SOCS5: variants seen among roughly 807,000 people sequenced by gnomAD.
SOCS5 encodes suppressor of cytokine signaling 5, also known as CIS-6.
A neutral mutation model predicts 42.8 loss-of-function variants in SOCS5; 32 were observed. That is an observed-to-expected ratio of 0.75 (90% confidence interval 0.56 to 1.01). The LOEUF is 1.01. Among genes scored for constraint, SOCS5 ranks in the 50% least tolerant of loss-of-function variants. The pLI is 0.00. For synonymous variants in SOCS5, 283 were observed against 229.6 expected (o/e 1.23, Z -2.10); for missense variants, 627 against 653.0 (o/e 0.96, Z 0.43).
chr2:46,744,561 C>G (rs1220815414), intron 1 of SOCS5, among the ~76,000 whole-genome samples: 1 of 146,312 alleles, frequency 6.8e-6, no homozygotes, highest in Admixed American at 6.8e-5. Flanking sequence ...GAGTTTTGCT[C>G]TTGTTGCCCA....
At chr2:46,732,549 C>T (rs1474190135) in intron 1 of SOCS5, among the ~76,000 whole-genome samples, 1 of 152,218 alleles carries the variant, frequency 6.6e-6, no homozygotes, top group African/African-American at 2.4e-5. Context: ...CCAAATTCAT[C>T]ATGGCCCAAT....
intron 1 of SOCS5, among the ~76,000 whole-genome samples, chr2:46,749,915 AAGAG>A (rs1244030631): frequency 2.0e-5 from 3 of 152,206 alleles, no homozygotes; most frequent in Non-Finnish European, 4.4e-5. Flanking sequence ...TATTTTTTAA[AAGAG>A]AGAAAAGCTA....
rs145238668 is a variant in SOCS5 at position 46,708,880 on chromosome 2, C to CTT, written c.-13+9455_-13+9456dup. 2.8e-3 allele frequency among the ~76,000 whole-genome samples: 176 copies of CTT among 63,264 alleles called. 1 individual carries two copies. The highest frequency in any genetic ancestry group is 0.016 in the East Asian group (32 of 2,036). 41.5% of individuals were successfully genotyped at this position (63,264 alleles called of 152,430 possible). A position where few individuals can be genotyped will look rare whatever the true frequency, so the allele number is the denominator to read the frequency against. ...CTGAACAGATACTGAATCCTGAAGC[C>CTT]TTTTTTTTTTTTTTTTTTTTTTTTT... On this transcript the variant is annotated intron_variant, in intron 1 of 1. Coordinates refer to ENST00000394861, the MANE Select transcript of SOCS5 (RefSeq NM_144949.3).
At chr2:46,729,054 G>A (rs1362427394) in intron 1 of SOCS5, among the ~76,000 whole-genome samples, 1 of 152,172 alleles carries the variant, frequency 6.6e-6, no homozygotes, top group Non-Finnish European at 1.5e-5. Flanking sequence ...CAAGCCGTCT[G>A]TTATCCTGAT....
intron 1 of SOCS5, among the ~76,000 whole-genome samples, chr2:46,739,855 A>T (rs1673330259): frequency 6.6e-6 from 1 of 152,150 alleles, no homozygotes; most frequent in Non-Finnish European, 1.5e-5. Context: ...ATACTATTCC[A>T]TTGTATCAAT....
chr2:46,730,522 C>T (rs902278919), intron 1 of SOCS5, among the ~76,000 whole-genome samples: 4 of 152,170 alleles, frequency 2.6e-5, no homozygotes, highest in Admixed American at 2.0e-4. Flanking sequence ...ATCGCTTGAA[C>T]TCAGGAGGCG....
intron 1 of SOCS5, among the ~76,000 whole-genome samples, chr2:46,749,113 C>T (rs1673569821): frequency 6.6e-6 from 1 of 152,150 alleles, no homozygotes; most frequent in African/African-American, 2.4e-5. Flanking sequence ...CAGTACTAGT[C>T]ACATGTGGTT....
chr2:46,756,874 G>A (rs185428965), intron 1 of SOCS5, among the ~76,000 whole-genome samples: 18 of 152,208 alleles, frequency 1.2e-4, no homozygotes, highest in African/African-American at 3.4e-4. Context: ...TTCAAATGGC[G>A]TAAACCTCAT....
rs1673900713 is a variant in SOCS5, at chr2:46,762,889, C to A, written c.*2748C>A. 6.0e-6 allele frequency: 1 copy of A among 166,344 alleles called. No homozygotes were observed. Among genetic ancestry groups the A allele is most frequent in the Non-Finnish European group, 1.5e-5 (1 of 67,956 alleles). The allele number at this position is 166,344 out of a possible 1,614,324, so 10.3% of individuals were successfully genotyped here. A position where few individuals can be genotyped will look rare whatever the true frequency, so the allele number is the denominator to read the frequency against. On this transcript the variant is annotated 3_prime_UTR_variant, in exon 2 of 2. Transcript: ENST00000394861. ...TCATTCCCTTACACACACACACACA[C>A]CTCTCCCTTCCGCATACATATAAGT...
intron 1 of SOCS5, among the ~76,000 whole-genome samples, chr2:46,730,509 C>T (rs571166281): frequency 4.1e-4 from 62 of 152,128 alleles, no homozygotes; most frequent in African/African-American, 1.5e-3. Context: ...CTGAGGCAGG[C>T]GAATCGCTTG....
rs145471074 is a variant in SOCS5, at chr2:46,750,274, G to A, written c.-12-8245G>A. ...TAAGAATAAGATTTCTGCTAGGCTC[G>A]GCGTGCCCTCCTACGTGATACCAGA... On this transcript the variant is annotated intron_variant, in intron 1 of 1. Coordinates refer to ENST00000394861, the MANE Select transcript of SOCS5 (RefSeq NM_144949.3). Among the ~76,000 whole-genome samples, 169 of 152,196 alleles carry A rather than the reference G, an allele frequency of 1.1e-3. 1 individual carries two copies. The highest frequency in any genetic ancestry group is 0.01 in the Middle Eastern group (3 of 294).
chr2:46,713,320 C>T (rs1184374112), intron 1 of SOCS5, among the ~76,000 whole-genome samples: 3 of 152,242 alleles, frequency 2.0e-5, no homozygotes, highest in Non-Finnish European at 4.4e-5. Context: ...CATGCCACTG[C>T]ACTCCAGGGT....
At chr2:46,703,651 A>G (rs933798570) in intron 1 of SOCS5, among the ~76,000 whole-genome samples, 1 of 152,212 alleles carries the variant, frequency 6.6e-6, no homozygotes, top group East Asian at 1.9e-4. Flanking sequence ...TTTAAAGATA[A>G]TTATGCCATT....
chr2:46,732,594 A>G (rs1673150692), intron 1 of SOCS5, among the ~76,000 whole-genome samples: 1 of 152,238 alleles, frequency 6.6e-6, no homozygotes, highest in Non-Finnish European at 1.5e-5. Context: ...TTATCCTTCA[A>G]GGGGTAGAGA....
At chr2:46,754,481 C>T (rs188453263) in intron 1 of SOCS5, among the ~76,000 whole-genome samples, 1 of 152,178 alleles carries the variant, frequency 6.6e-6, no homozygotes, top group East Asian at 1.9e-4. Context: ...AATTAAATCA[C>T]ATAGTTACAC....
At chr2:46,738,767 C>T (rs1050487010) in intron 1 of SOCS5, among the ~76,000 whole-genome samples, 1 of 152,080 alleles carries the variant, frequency 6.6e-6, no homozygotes, top group Non-Finnish European at 1.5e-5. Context: ...ATTTTTTTCC[C>T]ATTAGCATCA....
intron 1 of SOCS5, among the ~76,000 whole-genome samples, chr2:46,741,920 T>C (rs955779186): frequency 6.6e-6 from 1 of 152,220 alleles, no homozygotes; most frequent in Non-Finnish European, 1.5e-5. Context: ...AAGCCTTAGA[T>C]AGAAAGATGT....
At chr2:46,710,402 C>T (rs1295341882) in intron 1 of SOCS5, among the ~76,000 whole-genome samples, 2 of 152,192 alleles carry the variant, frequency 1.3e-5, no homozygotes, top group Admixed American at 1.3e-4. Context: ...ACCTCAGCCT[C>T]CCAAAGTGTT....
intron 1 of SOCS5, among the ~76,000 whole-genome samples, chr2:46,727,090 A>C (rs1290459457): frequency 6.8e-6 from 1 of 147,262 alleles, no homozygotes; most frequent in East Asian, 2.0e-4. Context: ...AATGGCTTCT[A>C]CTTATTTGTT....
Sources: allele counts gnomAD v4.1 joint callset (sites outside exome capture counted in the v4.1 genomes callset), GRCh38; gene constraint gnomAD v4.1.1; transcripts MANE v1.5; gene names NCBI Gene and HGNC (gene_info 2026-07-23, HGNC 2026-07-21).